The following IGF2 variants were observed in gnomAD, a reference collection of about 807,000 sequenced individuals.
IGF2 encodes the protein insulin-like growth factor 2.
A neutral mutation model predicts 12.0 loss-of-function variants in IGF2; 2 were observed. The ratio of observed to expected loss-of-function variants is 0.17; its 90% confidence interval spans 0.07 to 0.52. IGF2 has a LOEUF of 0.52. Among genes scored for constraint, IGF2 ranks in the 20% least tolerant of loss-of-function variants. The probability of loss-of-function intolerance (pLI) is 0.95; values close to 1 mark genes in which losing one functional copy is unlikely to be tolerated. For synonymous variants in IGF2, 105 were observed against 110.1 expected, an observed-to-expected ratio of 0.95 and a Z score of 0.29; for missense variants, 211 against 268.0, an observed-to-expected ratio of 0.79 and a Z score of 1.48.
upstream of IGF2, chr11:2,140,480 CG>C: frequency 1.7e-6 from 1 of 595,226 alleles, no homozygotes; most frequent in Non-Finnish European, 2.9e-6. Context: ...TCAATCACTT[CG>C]CCCGCGCTCC....
chr11:2,144,524 G>A (rs1406239543), upstream of IGF2, among the ~76,000 whole-genome samples: 2 of 152,240 alleles, frequency 1.3e-5, no homozygotes, highest in Admixed American at 6.5e-5. Flanking sequence ...TGAGAAACAC[G>A]GGGCCCGGGA....
Position 2,129,663 on chromosome 11 carries a change from G to A in IGF2, c.*3324C>T, listed in dbSNP as rs182285016. 9.0e-4 allele frequency: 209 copies of A among 231,544 alleles called. 1 individual carries two copies. The East Asian group carries it at 9.6e-3, about 11-fold the overall frequency. 14.3% of individuals were successfully genotyped at this position (231,544 alleles called of 1,614,324 possible). On this transcript the variant is annotated 3_prime_UTR_variant, in exon 4 of 4. Transcript: ENST00000416167. The surrounding 1 kb of genome is among the most constrained non-coding windows in gnomAD (Gnocchi z 8.1). ...AATGTTCCGAATGGCCCACTCACAG[G>A]GCGCTTGCCGAGGGACCCTCTGCGA...
chr11:2,137,227 G>GGAGGAA, intron 1 of IGF2: 1 of 996,400 alleles, frequency 1.0e-6, no homozygotes, highest in Non-Finnish European at 1.2e-6. Context: ...AGGAGGAGGA[G>GGAGGAA]GAGGAAGAGG....
At position 2,133,830 on chromosome 11, in the gene IGF2, T is replaced by C. The variant is rs1858800199; in HGVS notation, c.158-165A>G. ...AAGTGAGAGCTGGCAGGCAGAGGCG[T>C]CCCAGGAAGAAGAGAGGTGAGAGGG... On this transcript the variant is annotated intron_variant, in intron 2 of 3. Transcript: ENST00000416167. This position sits in a 1 kb window ranked among gnomAD's most constrained non-coding sequence, Gnocchi z 8.9. 6.6e-6 allele frequency among the ~76,000 whole-genome samples: 1 copy of C among 151,952 alleles called. No individual in the cohort carries two copies. The highest frequency in any genetic ancestry group is 6.6e-5 in the Admixed American group (1 of 15,262).
chr11:2,144,425 G>A (rs1472030670), upstream of IGF2, among the ~76,000 whole-genome samples: 1 of 152,202 alleles, frequency 6.6e-6, no homozygotes, highest in East Asian at 1.9e-4. Flanking sequence ...AGCTTTGCGC[G>A]CGCCGTTCGG....
chr11:2,148,525 G>A, the IGF2 span: 2,502 of 153,886 alleles, frequency 0.016, 56 homozygotes, highest in African/African-American at 0.055. The surrounding 1 kb of genome is among the most constrained non-coding windows in gnomAD (Gnocchi z 4.3). Flanking sequence ...CATGGAGGGC[G>A]GTTGTTGCCT....
upstream of IGF2, among the ~76,000 whole-genome samples, chr11:2,139,925 G>A (rs1203961387): frequency 6.6e-6 from 1 of 152,112 alleles, no homozygotes; most frequent in African/African-American, 2.4e-5. Context: ...ACCTGCCCCA[G>A]CAGGAGGAGC....
At position 2,138,286 on chromosome 11, in the gene IGF2, G is replaced by T; in HGVS notation, c.-64C>A. On this transcript the variant is annotated 5_prime_UTR_variant, in exon 1 of 4. Transcript: ENST00000416167. ...TGCTGCGTGTCGCAAACCGAACAGCGGGCGTTGGCCCTCCTGCCGGACACT... is the reference window on the plus strand; with the variant it reads ...TGCTGCGTGTCGCAAACCGAACAGCTGGCGTTGGCCCTCCTGCCGGACACT... 1 of 985,136 alleles carries T rather than the reference G, an allele frequency of 1.0e-6. No homozygotes were observed. Among genetic ancestry groups the T allele is most frequent in the Non-Finnish European group, 1.2e-6 (1 of 829,798 alleles). The allele number at this position is 985,136 out of a possible 1,614,324, so 61.0% of individuals were successfully genotyped here.
upstream of IGF2, among the ~76,000 whole-genome samples, chr11:2,143,879 A>AG (rs1313081523): frequency 3.3e-5 from 5 of 152,226 alleles, no homozygotes; most frequent in African/African-American, 4.8e-5. Context: ...CCGAGGATCA[A>AG]GGGCTAATTG....
intron 1 of IGF2, chr11:2,137,323 GC>G (rs1859139188): frequency 1.1e-6 from 1 of 926,772 alleles, no homozygotes; most frequent in African/African-American, 1.8e-5. Context: ...TTATGTGTGA[GC>G]CGACTCCTCC....
At chr11:2,143,795 T>C (rs1202368136), upstream of IGF2, among the ~76,000 whole-genome samples, 2 of 152,244 alleles carry the variant, frequency 1.3e-5, no homozygotes, top group African/African-American at 4.8e-5. Flanking sequence ...ATGCTTAAAT[T>C]TAGAGGATCC....
At chr11:2,134,092 C>A in intron 2 of IGF2, 1 of 484,618 alleles carries the variant, frequency 2.1e-6, no homozygotes. Flanking sequence ...TGGAGGGGCC[C>A]ACACCACCCC....
rs530533557 is a variant in IGF2 at position 2,135,321 on chromosome 11, T to C, written c.157+46A>G. 5 of 1,529,256 alleles carry C rather than the reference T, an allele frequency of 3.3e-6. No individual in the cohort carries two copies. In the South Asian group the frequency reaches 6.2e-5, roughly 19 times the overall value. The allele number at this position is 1,529,256 out of a possible 1,614,324, so 94.7% of individuals were successfully genotyped here. ...GAGGTTGGGCGTCCTCACCGGTCAC[T>C]CTAGGGGCCTGACCAGGTCTGAGGA... On this transcript the variant is annotated intron_variant, in intron 2 of 3. Coordinates refer to ENST00000416167, the MANE Select transcript of IGF2 (RefSeq NM_000612.6).
chr11:2,145,608 G>C (rs1295368218), upstream of IGF2, among the ~76,000 whole-genome samples: 3 of 152,212 alleles, frequency 2.0e-5, no homozygotes, highest in Non-Finnish European at 4.4e-5. Context: ...CACCGCTCAT[G>C]CTTGAAAATG....
chr11:2,133,775 GACGCA>G lies in IGF2; in HGVS notation c.158-115_158-111del, dbSNP rs1858794881. On this transcript the variant is annotated intron_variant, in intron 2 of 3. Coordinates refer to ENST00000416167, the MANE Select transcript of IGF2 (RefSeq NM_000612.6). The surrounding 1 kb of genome is among the most constrained non-coding windows in gnomAD (Gnocchi z 8.9). ...CTGCCCTCAGGCCAGGCCCTGGAAG[GACGCA>G]GCCACCCTGCGGGTCAGGGGAGGGA... The G allele has an allele frequency of 4.5e-6, 6 of 1,345,674 alleles. No homozygotes were observed. Among genetic ancestry groups the G allele is most frequent in the Non-Finnish European group, 6.1e-6 (6 of 980,134 alleles). 83.4% of individuals were successfully genotyped at this position (1,345,674 alleles called of 1,614,324 possible). A position where few individuals can be genotyped will look rare whatever the true frequency, so the allele number is the denominator to read the frequency against.
chr11:2,147,652 C>T, the IGF2 span: 5 of 1,248,202 alleles, frequency 4.0e-6, no homozygotes, highest in Admixed American at 4.2e-5. The surrounding 1 kb of genome is among the most constrained non-coding windows in gnomAD (Gnocchi z 7.2). Context: ...CCACAGGCCA[C>T]AGCAGCTCAC....
chr11:2,138,851 G>T lies in IGF2; in HGVS notation c.-629C>A. ...GGAGGGAAGGGCGCCACGTCGAGGG[G>T]CCGGGGGAGGCGGTGACTGGGGGGC... is the stretch of plus-strand genomic sequence containing the variant. On this transcript the variant is annotated 5_prime_UTR_variant, in exon 1 of 4. Transcript: ENST00000416167. 3.1e-6 allele frequency: 3 copies of T among 964,248 alleles called. No homozygotes were observed. Among genetic ancestry groups the T allele is most frequent in the Non-Finnish European group, 3.7e-6 (3 of 811,672 alleles). 59.7% of individuals were successfully genotyped at this position (964,248 alleles called of 1,614,324 possible).
intron 2 of IGF2, 100 bp downstream of exon 2, chr11:2,135,267 G>T: frequency 9.0e-7 from 1 of 1,105,910 alleles, no homozygotes; most frequent in Non-Finnish European, 1.3e-6. Flanking sequence ...CGGCTGGGCT[G>T]CTGACCTAGG....
upstream of IGF2, among the ~76,000 whole-genome samples, chr11:2,139,581 G>GT (rs1185190823): frequency 2.7e-5 from 4 of 147,298 alleles, no homozygotes; most frequent in Non-Finnish European, 4.6e-5. Flanking sequence ...GGCCCCGGGG[G>GT]GGGGGCGGCG....
Sources: allele counts gnomAD v4.1 joint callset (sites outside exome capture counted in the v4.1 genomes callset), GRCh38; gene constraint gnomAD v4.1.1; non-coding constraint Gnocchi (gnomAD v3.1); transcripts MANE v1.5; gene names NCBI Gene and HGNC (gene_info 2026-07-23, HGNC 2026-07-21).